Variants in MDFIC observed in about 807,000 individuals in gnomAD.
The protein encoded by MDFIC is MyoD family inhibitor domain containing.
Under a neutral mutation model 23.2 loss-of-function variants are expected in MDFIC, and 17 were observed. The ratio of observed to expected loss-of-function variants is 0.73; its 90% CI spans 0.50 to 1.10. The LOEUF is 1.10. Among genes scored for constraint, MDFIC ranks in the 50% least tolerant of loss-of-function variants. The probability of loss-of-function intolerance (pLI) is 0.00; values close to 1 mark genes in which losing one functional copy is unlikely to be tolerated. For synonymous variants in MDFIC, 120 were observed against 115.2 expected (o/e 1.04, Z -0.27); for missense variants, 356 against 316.6 (o/e 1.12, Z -0.95).
intron 2 of MDFIC, among the ~76,000 whole-genome samples, chr7:114,935,722 T>C (rs1366759064): frequency 1.3e-5 from 2 of 152,066 alleles, no homozygotes; most frequent in Admixed American, 1.3e-4. Flanking sequence ...AGTTATTCAA[T>C]TTTGAATGTA....
intron 3 of MDFIC, among the ~76,000 whole-genome samples, chr7:114,977,577 C>T (rs1029225797): frequency 1.8e-4 from 27 of 152,164 alleles, no homozygotes; most frequent in Middle Eastern, 3.2e-3. Flanking sequence ...AGGTCACATC[C>T]TTGTCCTCTA....
At chr7:114,959,751 G>T (rs1792949393) in intron 3 of MDFIC, among the ~76,000 whole-genome samples, 1 of 151,018 alleles carries the variant, frequency 6.6e-6, no homozygotes, top group Non-Finnish European at 1.5e-5. Context: ...AACATAGAAT[G>T]GTGCTTTAAA....
chr7:114,956,831 A>T (rs534389275), intron 3 of MDFIC, among the ~76,000 whole-genome samples: 2 of 152,150 alleles, frequency 1.3e-5, no homozygotes, highest in Non-Finnish European at 2.9e-5. Flanking sequence ...AGTTAGTAAA[A>T]TAAGGTGAAT....
At chr7:114,965,785 T>C (rs994004485) in intron 3 of MDFIC, among the ~76,000 whole-genome samples, 5 of 152,204 alleles carry the variant, frequency 3.3e-5, no homozygotes, top group African/African-American at 1.2e-4. Flanking sequence ...ATAAGCAATA[T>C]TTTCTTTATC....
rs1791510337 is a variant in MDFIC, at chr7:115,003,726, C to T, written c.494-11962C>T. On this transcript the variant is annotated intron_variant, in intron 4 of 4. Coordinates refer to ENST00000393486, the MANE Select transcript of MDFIC (RefSeq NM_001166345.3). ...TTGCCTCTGTGTCTTTGCATAACTT[C>T]CCCACTGGCTGGAACAATCTTTGCT... is the stretch of plus-strand genomic sequence containing the variant. Among the ~76,000 whole-genome samples the T allele has an allele frequency of 2.0e-5, 3 of 152,174 alleles. No individual in the cohort carries two copies. The South Asian group carries it at 6.2e-4, about 32-fold the overall frequency.
At chr7:114,970,567 C>T (rs980400962) in intron 3 of MDFIC, among the ~76,000 whole-genome samples, 1 of 152,102 alleles carries the variant, frequency 6.6e-6, no homozygotes, top group African/African-American at 2.4e-5. Context: ...ACTAGCTGTA[C>T]TTCTGCAAGT....
At chr7:115,008,169 C>A (rs2594442) in intron 4 of MDFIC, among the ~76,000 whole-genome samples, 112,847 of 151,788 alleles carry the variant, frequency 0.74, 42,612 homozygotes, top group Non-Finnish European at 0.83. Context: ...GAAAAAATCT[C>A]TGCTATCCTC....
At chr7:114,950,563 A>T (rs1792746879) in intron 3 of MDFIC, among the ~76,000 whole-genome samples, 1 of 152,170 alleles carries the variant, frequency 6.6e-6, no homozygotes, top group Admixed American at 6.6e-5. Context: ...ACAGGTATAG[A>T]TATAGTAAAT....
At chr7:114,995,170 G>C (rs1791295954) in intron 4 of MDFIC, among the ~76,000 whole-genome samples, 1 of 152,170 alleles carries the variant, frequency 6.6e-6, no homozygotes. Context: ...TCATCATGTA[G>C]TTCTTGTGCC....
intron 1 of MDFIC, 29 bp from the exon 2 acceptor site, chr7:114,922,898 T>A (rs1461412642): frequency 1.3e-6 from 2 of 1,560,194 alleles, no homozygotes; most frequent in Non-Finnish European, 1.7e-6. Context: ...AAACATTTTT[T>A]TTTTTAATTT....
At chr7:115,003,823 C>T (rs964546675) in intron 4 of MDFIC, among the ~76,000 whole-genome samples, 1 of 152,156 alleles carries the variant, frequency 6.6e-6, no homozygotes, top group African/African-American at 2.4e-5. Context: ...TCCTTCTACC[C>T]TATGTTCTCT....
chr7:114,922,554 C>G lies in MDFIC; in HGVS notation c.-190C>G. 7.9e-7 allele frequency: 1 copy of G among 1,268,092 alleles called. No individual in the cohort carries two copies. Among genetic ancestry groups the G allele is most frequent in the Non-Finnish European group, 1.0e-6 (1 of 1,000,494 alleles). 78.6% of individuals were successfully genotyped at this position (1,268,092 alleles called of 1,614,324 possible). The stretch of plus-strand genomic sequence containing the variant: ...CACCGGGGCGAAAATGCGGCCGCTG[C>G]CGGAGGCTCGCTAACTTTCCGGGGC... On this transcript the variant is annotated 5_prime_UTR_variant, in exon 1 of 5. Transcript: ENST00000393486.
chr7:115,009,189 T>C (rs1791630281), intron 4 of MDFIC, among the ~76,000 whole-genome samples: 1 of 152,216 alleles, frequency 6.6e-6, no homozygotes, highest in Non-Finnish European at 1.5e-5. Context: ...TCTTATTTCA[T>C]AGGAAACTTT....
rs1415315414 is a variant in MDFIC at position 114,922,153 on chromosome 7, G to C, written c.-591G>C. On this transcript the variant is annotated 5_prime_UTR_variant, in exon 1 of 5. Transcript: ENST00000393486. ...GCGCCCGGGTGGGGAGCCCGAGCCAGCCCAGGCCGGCTCTGGCCTCCTGAC... is the reference window on the plus strand; with the variant it reads ...GCGCCCGGGTGGGGAGCCCGAGCCACCCCAGGCCGGCTCTGGCCTCCTGAC... The C allele has an allele frequency of 8.5e-6, 3 of 352,072 alleles. No individual in the cohort carries two copies. Among genetic ancestry groups the C allele is most frequent in the Non-Finnish European group, 1.0e-5 (2 of 197,294 alleles). 21.8% of individuals were successfully genotyped at this position (352,072 alleles called of 1,614,324 possible).
chr7:114,989,349 TGATGTGGGTTGTAGAATG>T (rs1793565542), intron 4 of MDFIC, among the ~76,000 whole-genome samples: 4 of 152,164 alleles, frequency 2.6e-5, no homozygotes, highest in Admixed American at 2.6e-4. Context: ...GAAGCCACAG[TGATGTGGGTTGTAGAATG>T]TGTAAACAGT....
intron 3 of MDFIC, among the ~76,000 whole-genome samples, chr7:114,952,054 T>C (rs1242419914): frequency 6.6e-6 from 1 of 152,238 alleles, no homozygotes; most frequent in Non-Finnish European, 1.5e-5. Context: ...CTGCAAGCAT[T>C]GAAGGAGTGG....
intron 2 of MDFIC, among the ~76,000 whole-genome samples, chr7:114,925,190 T>G (rs549295914): frequency 3.6e-4 from 55 of 152,128 alleles, no homozygotes; most frequent in Non-Finnish European, 6.2e-4. Flanking sequence ...CCTGCAAAGT[T>G]AAATATATAT....
chr7:114,995,087 T>G (rs1348874081), intron 4 of MDFIC, among the ~76,000 whole-genome samples: 1 of 152,326 alleles, frequency 6.6e-6, no homozygotes, highest in African/African-American at 2.4e-5. Flanking sequence ...CTCACTTCAT[T>G]TCATTCATTT....
chr7:114,944,922 T>C (rs999499989), intron 3 of MDFIC, among the ~76,000 whole-genome samples: 1 of 152,128 alleles, frequency 6.6e-6, no homozygotes, highest in Non-Finnish European at 1.5e-5. Context: ...TCTCACGGAA[T>C]TGATGTTAGT....
Sources: allele counts gnomAD v4.1 joint callset (sites outside exome capture counted in the v4.1 genomes callset), GRCh38; gene constraint gnomAD v4.1.1; transcripts MANE v1.5; gene names NCBI Gene and HGNC (gene_info 2026-07-23, HGNC 2026-07-21).